LYN: variants seen among roughly 807,000 people sequenced by gnomAD.
LYN encodes the protein tyrosine-protein kinase Lyn.
A neutral mutation model predicts 65.0 loss-of-function variants in LYN; 12 were observed. The observed-to-expected ratio is 0.18, with a 90% CI of 0.12 to 0.30. LYN has a LOEUF of 0.30. Ranked by LOEUF, LYN falls within the 10% of genes least tolerant of loss-of-function variation. The pLI is 1.00. For synonymous variants in LYN, 222 were observed against 221.2 expected (o/e 1.00, Z -0.03); for missense variants, 380 against 623.2 (o/e 0.61, Z 4.16).
intron 7 of LYN, among the ~76,000 whole-genome samples, chr8:55,953,120 T>C (rs1016075633): frequency 6.6e-6 from 1 of 152,224 alleles, no homozygotes; most frequent in African/African-American, 2.4e-5. Context: ...CGGCACATGC[T>C]GAGGGCTTGT....
intron 4 of LYN, among the ~76,000 whole-genome samples, chr8:55,949,904 C>A (rs1806894575): frequency 6.6e-6 from 1 of 152,164 alleles, no homozygotes; most frequent in South Asian, 2.1e-4. Context: ...GGAAACCCTG[C>A]ACCCCTTAGC....
intron 1 of LYN, among the ~76,000 whole-genome samples, chr8:55,910,099 C>T (rs1048422719): frequency 2.7e-5 from 4 of 150,582 alleles, no homozygotes; most frequent in Non-Finnish European, 4.4e-5. Flanking sequence ...TGCAGGTTGT[C>T]GGTTCATTCC....
At chr8:55,970,426 C>T (rs1351678624) in intron 10 of LYN, among the ~76,000 whole-genome samples, 2 of 152,168 alleles carry the variant, frequency 1.3e-5, no homozygotes, top group African/African-American at 2.4e-5. Context: ...CAAGGAAATG[C>T]ACACTTGAAT....
rs1379990552 is a variant in LYN at position 55,880,002 on chromosome 8, C to A, written c.-107C>A. Reference sequence around the variant, plus strand: ...CGCGTCCAGCGTTCCCGGCCAGCAGCCTCCCCATACGCAGGTCCTGCTGGG... The same window carrying A: ...CGCGTCCAGCGTTCCCGGCCAGCAGACTCCCCATACGCAGGTCCTGCTGGG... On this transcript the variant is annotated 5_prime_UTR_variant, in exon 1 of 13. Transcript: ENST00000519728. 2 of 287,502 alleles carry A rather than the reference C, an allele frequency of 7.0e-6. No individual in the cohort carries two copies. Among genetic ancestry groups the A allele is most frequent in the Admixed American group, 3.9e-5 (1 of 25,434 alleles). 17.8% of individuals were successfully genotyped at this position (287,502 alleles called of 1,614,324 possible).
chr8:56,004,998 T>C (rs916909875), intron 12 of LYN, among the ~76,000 whole-genome samples: 2 of 152,168 alleles, frequency 1.3e-5, no homozygotes, highest in African/African-American at 4.8e-5. Flanking sequence ...TTGCCTAGGC[T>C]GGTTTCTAAC....
chr8:55,966,962 G>A, intron 9 of LYN, 65 bp downstream of exon 9: 1 of 1,450,034 alleles, frequency 6.9e-7, no homozygotes, highest in Non-Finnish European at 9.4e-7. Context: ...ATGTGTAAGT[G>A]TTCAGAGGTC....
At chr8:55,904,621 A>G (rs574195840) in intron 1 of LYN, among the ~76,000 whole-genome samples, 2 of 152,130 alleles carry the variant, frequency 1.3e-5, no homozygotes, top group African/African-American at 2.4e-5. Context: ...GCGGTGGCTC[A>G]TGCCTGTAAT....
chr8:55,931,811 C>T (rs1165706885), intron 1 of LYN, among the ~76,000 whole-genome samples: 1 of 152,136 alleles, frequency 6.6e-6, no homozygotes, highest in Non-Finnish European at 1.5e-5. Context: ...TCAAATGTTA[C>T]ACCGTACCAG....
At chr8:56,009,665 T>C (rs535215073) in intron 12 of LYN, among the ~76,000 whole-genome samples, 29 of 152,300 alleles carry the variant, frequency 1.9e-4, no homozygotes, top group Non-Finnish European at 4.0e-4. Flanking sequence ...CATTTTAACT[T>C]AGTTACCTCT....
intron 1 of LYN, among the ~76,000 whole-genome samples, chr8:55,921,341 G>T (rs929555124): frequency 1.3e-5 from 2 of 152,168 alleles, no homozygotes. Flanking sequence ...AAAGAAGCGG[G>T]ATAGACAGGG....
At chr8:55,973,032 G>A (rs1348216724) in intron 10 of LYN, among the ~76,000 whole-genome samples, 1 of 152,180 alleles carries the variant, frequency 6.6e-6, no homozygotes. Flanking sequence ...ATTGGGAGTA[G>A]AAATAACCCA....
At chr8:56,005,803 A>G (rs1808656336) in intron 12 of LYN, among the ~76,000 whole-genome samples, 1 of 152,102 alleles carries the variant, frequency 6.6e-6, no homozygotes, top group South Asian at 2.1e-4. Context: ...GAGGGGTCTG[A>G]CTGGGCATGG....
intron 1 of LYN, among the ~76,000 whole-genome samples, chr8:55,933,976 C>T (rs957120735): frequency 6.6e-6 from 1 of 152,124 alleles, no homozygotes; most frequent in African/African-American, 2.4e-5. Context: ...ACCTGTAATC[C>T]CAGCACTTTG....
At chr8:55,905,404 C>T (rs551542908) in intron 1 of LYN, among the ~76,000 whole-genome samples, 16 of 49,106 alleles carry the variant, frequency 3.3e-4, no homozygotes, top group African/African-American at 1.6e-3. Flanking sequence ...AGTGAAACTC[C>T]GTCTCAAAAA....
rs1391862836 is a variant in LYN, at chr8:56,012,938, C to T, written c.*2828C>T. 6.6e-6 allele frequency: 1 copy of T among 152,184 alleles called. No homozygotes were observed. The highest frequency in any genetic ancestry group is 1.9e-4 in the East Asian group (1 of 5,192). 9.4% of individuals were successfully genotyped at this position (152,184 alleles called of 1,614,324 possible). On this transcript the variant is annotated 3_prime_UTR_variant, in exon 13 of 13. Transcript: ENST00000519728. ...GCTCACTGAACCTAAAGGAGACTCACAGGCTAGAAACCAGTGTCCTTAGTA... is the reference window on the plus strand; with the variant it reads ...GCTCACTGAACCTAAAGGAGACTCATAGGCTAGAAACCAGTGTCCTTAGTA...
Position 56,009,962 on chromosome 8 carries a change from G to A in LYN, c.1391G>A (p.Arg464His), listed in dbSNP as rs1465409982. The change falls in exon 13 of 13, where the codon CGT (arginine) becomes CAT (histidine). Residue 464 changes from arginine (R) to histidine (H), a missense_variant. Coordinates refer to ENST00000519728, the MANE Select transcript of LYN (RefSeq NM_002350.4). Reference protein sequence around the residue: ...TALSQGYRMPRVENCPDELYD... With the variant: ...TALSQGYRMPHVENCPDELYD... Reference sequence around the variant, plus strand: ...CTGTCCCAGGGCTACAGGATGCCCCGTGTGGAGAACTGCCCAGATGAGCTC... The same window carrying A: ...CTGTCCCAGGGCTACAGGATGCCCCATGTGGAGAACTGCCCAGATGAGCTC... 1.9e-6 allele frequency: 3 copies of A among 1,614,026 alleles called. No individual in the cohort carries two copies. The highest frequency in any genetic ancestry group is 1.7e-6 in the Non-Finnish European group (2 of 1,179,898).
In LYN at chr8:55,952,012, T is replaced by C; in HGVS notation, c.534T>C (p.Asp178=). ...GAGACTTTGACCCTGTGCATGGTGA[T>C]GTTATTAAGCACTACAAAATTAGAA... ...SVRDFDPVHG[D]VIKHYKIRSL... is the part of the protein sequence containing the mutation. The change falls in exon 7 of 13, where the codon GAT becomes GAC. Residue 178 remains aspartate (D), a synonymous_variant. Transcript: ENST00000519728. 1.9e-6 allele frequency: 3 copies of C among 1,612,438 alleles called. No homozygotes were observed. In the South Asian group the frequency reaches 3.3e-5, roughly 18 times the overall value.
intron 1 of LYN, among the ~76,000 whole-genome samples, chr8:55,883,905 G>A (rs1804716336): frequency 6.6e-6 from 1 of 152,014 alleles, no homozygotes; most frequent in African/African-American, 2.4e-5. Flanking sequence ...TCTTACAGCT[G>A]TCTGGTTTCC....
In LYN at chr8:55,880,101, C is replaced by T. The variant is rs779529301; in HGVS notation, c.-8C>T. ...GCCGCCCCGAAACTTTCACCGCGAG[C>T]GGGTGAGTCCTCTGCGCGAGCCCAG... On this transcript the variant is annotated splice_region_variant and 5_prime_UTR_variant, in exon 1 of 13. Coordinates refer to ENST00000519728, the MANE Select transcript of LYN (RefSeq NM_002350.4). 6.9e-6 allele frequency: 2 copies of T among 288,948 alleles called. No homozygotes were observed. Among genetic ancestry groups the T allele is most frequent in the Non-Finnish European group, 1.4e-5 (2 of 142,534 alleles). 17.9% of individuals were successfully genotyped at this position (288,948 alleles called of 1,614,324 possible).
Sources: gnomAD v4.1 joint callset for allele counts (sites outside exome capture counted in the v4.1 genomes callset) on GRCh38, gnomAD v4.1.1 for gene constraint, MANE v1.5 for transcripts, NCBI Gene and HGNC (gene_info 2026-07-23, HGNC 2026-07-21) for gene names.